The following VKORC1L1 variants were observed in gnomAD, a reference collection of about 807,000 sequenced individuals.
VKORC1L1 encodes vitamin K epoxide reductase complex subunit 1-like protein 1.
In VKORC1L1, 2 loss-of-function variants were observed where a neutral mutation model predicts 18.9. The observed-to-expected ratio is 0.11, with a 90% CI of 0.04 to 0.33. VKORC1L1 has a LOEUF of 0.33. Among genes scored for constraint, VKORC1L1 ranks in the 10% least tolerant of loss-of-function variants. The pLI, the probability that VKORC1L1 is intolerant of heterozygous loss-of-function variation, is 1.00. For synonymous variants in VKORC1L1, 96 were observed against 100.0 expected (o/e 0.96, Z 0.24); for missense variants, 123 against 224.1 (o/e 0.55, Z 2.88).
At chr7:65,946,749 G>A (rs1049056443) in intron 1 of VKORC1L1, among the ~76,000 whole-genome samples, 4 of 152,110 alleles carry the variant, frequency 2.6e-5, no homozygotes, top group African/African-American at 7.2e-5. Flanking sequence ...TCCCCGGCAC[G>A]TAGCGTCAGT....
chr7:65,923,827 G>C (rs946425685), intron 1 of VKORC1L1, among the ~76,000 whole-genome samples: 1 of 152,214 alleles, frequency 6.6e-6, no homozygotes, highest in Non-Finnish European at 1.5e-5. Flanking sequence ...ACAGAGCTGA[G>C]AGGTTTTGGA....
chr7:65,866,884 G>C, the VKORC1L1 span, among the ~76,000 whole-genome samples: 1 of 152,026 alleles, frequency 6.6e-6, no homozygotes, highest in Non-Finnish European at 1.5e-5. Flanking sequence ...GGGGGAAGAA[G>C]AGGAGGAAGA....
intron 1 of VKORC1L1, among the ~76,000 whole-genome samples, chr7:65,907,517 G>A (rs866569128): frequency 1.6e-4 from 24 of 151,944 alleles, no homozygotes; most frequent in African/African-American, 4.8e-4. Context: ...TATTTCTGAC[G>A]GCCTCTGGCA....
chr7:65,914,200 CCT>C (rs912446958), intron 1 of VKORC1L1, among the ~76,000 whole-genome samples: 8 of 152,110 alleles, frequency 5.3e-5, no homozygotes, highest in Non-Finnish European at 1.5e-5. Flanking sequence ...CTCAAGCGAT[CCT>C]CCCACCTCAG....
intron 1 of VKORC1L1, among the ~76,000 whole-genome samples, chr7:65,907,612 G>A (rs1326615886): frequency 6.6e-6 from 1 of 152,130 alleles, no homozygotes. Flanking sequence ...CTGTTCAGTT[G>A]TGATTACTGT....
chr7:65,936,448 A>G (rs1267273532), intron 1 of VKORC1L1, among the ~76,000 whole-genome samples: 1 of 152,218 alleles, frequency 6.6e-6, no homozygotes, highest in Non-Finnish European at 1.5e-5. Flanking sequence ...TTGTTTTAAC[A>G]GGCAATCCAG....
chr7:65,894,180 C>T (rs917467217), intron 1 of VKORC1L1, among the ~76,000 whole-genome samples: 23 of 151,970 alleles, frequency 1.5e-4, no homozygotes, highest in African/African-American at 4.3e-4. Flanking sequence ...GTCTCGAACT[C>T]CTGACCTCAG....
chr7:65,898,110 A>G (rs1251992309), intron 1 of VKORC1L1, among the ~76,000 whole-genome samples: 1 of 93,538 alleles, frequency 1.1e-5, no homozygotes, highest in African/African-American at 3.9e-5. Context: ...TTTTTTTGAG[A>G]CAGAGTCTCA....
At chr7:65,930,068 T>C (rs765697945) in intron 1 of VKORC1L1, among the ~76,000 whole-genome samples, 10 of 152,168 alleles carry the variant, frequency 6.6e-5, no homozygotes, top group Non-Finnish European at 1.5e-4. Context: ...TATTTTTATT[T>C]CTAATAGTTC....
chr7:65,950,476 T>C (rs1057009975), intron 2 of VKORC1L1, among the ~76,000 whole-genome samples: 1 of 152,230 alleles, frequency 6.6e-6, no homozygotes, highest in African/African-American at 2.4e-5. Context: ...GTAACTCTTC[T>C]ATCTGAAATT....
chr7:65,933,573 T>C (rs1286643101), intron 1 of VKORC1L1, among the ~76,000 whole-genome samples: 1 of 152,194 alleles, frequency 6.6e-6, no homozygotes, highest in Non-Finnish European at 1.5e-5. Context: ...TTAACCTATG[T>C]TATTATATTT....
At chr7:65,944,391 A>G (rs1252716766) in intron 1 of VKORC1L1, among the ~76,000 whole-genome samples, 7 of 152,116 alleles carry the variant, frequency 4.6e-5, no homozygotes, top group Non-Finnish European at 7.4e-5. Context: ...TAAAAGAACT[A>G]AAAGTAATTC....
At chr7:65,908,227 A>G (rs1789437782) in intron 1 of VKORC1L1, among the ~76,000 whole-genome samples, 1 of 152,202 alleles carries the variant, frequency 6.6e-6, no homozygotes, top group African/African-American at 2.4e-5. Context: ...AACCTGGCCA[A>G]TAAGGTGAAA....
intron 1 of VKORC1L1, among the ~76,000 whole-genome samples, chr7:65,908,559 C>T (rs773447950): frequency 4.0e-5 from 6 of 151,628 alleles, no homozygotes; most frequent in Admixed American, 2.6e-4. Flanking sequence ...AAATCCAGGC[C>T]GGCCATGGTG....
chr7:65,917,792 A>G (rs1387039910), intron 1 of VKORC1L1, among the ~76,000 whole-genome samples: 1 of 152,220 alleles, frequency 6.6e-6, no homozygotes, highest in Non-Finnish European at 1.5e-5. Flanking sequence ...TTTGAGCCAA[A>G]ATACACATAC....
chr7:65,937,052 C>T (rs1190456059), intron 1 of VKORC1L1, among the ~76,000 whole-genome samples: 1 of 152,208 alleles, frequency 6.6e-6, no homozygotes, highest in Non-Finnish European at 1.5e-5. Context: ...TCATCATGCT[C>T]TCCAGCCCAC....
At chr7:65,899,389 C>G (rs1273883156) in intron 1 of VKORC1L1, among the ~76,000 whole-genome samples, 2 of 152,092 alleles carry the variant, frequency 1.3e-5, no homozygotes, top group South Asian at 4.1e-4. Context: ...TATCTCTGAC[C>G]TGGAAAAAAG....
At chr7:65,949,445 C>G (rs1179765328) in intron 2 of VKORC1L1, among the ~76,000 whole-genome samples, 1 of 151,984 alleles carries the variant, frequency 6.6e-6, no homozygotes, top group Non-Finnish European at 1.5e-5. Context: ...CGCCATTGCA[C>G]TCCAGCCTGG....
rs953650277 is a variant in VKORC1L1 at position 65,910,003 on chromosome 7, A to G, written c.194+36438A>G. On this transcript the variant is annotated intron_variant, in intron 1 of 2. Coordinates refer to ENST00000360768, the MANE Select transcript of VKORC1L1 (RefSeq NM_173517.6). Reference sequence around the variant, plus strand: ...AGTGCTGGGATTACAGGCATGAACCACCGTGCCTGGCCTTGTTTTTGCCTT... The same window carrying G: ...AGTGCTGGGATTACAGGCATGAACCGCCGTGCCTGGCCTTGTTTTTGCCTT... Among the ~76,000 whole-genome samples the G allele has an allele frequency of 4.6e-5, 7 of 152,236 alleles. No homozygotes were observed. In the South Asian group the frequency reaches 1.5e-3, roughly 32 times the overall value.
Sources: gnomAD v4.1 joint callset for allele counts (sites outside exome capture counted in the v4.1 genomes callset) on GRCh38, gnomAD v4.1.1 for gene constraint, MANE v1.5 for transcripts, NCBI Gene and HGNC (gene_info 2026-07-23, HGNC 2026-07-21) for gene names.